ANO3: variants seen among roughly 807,000 people sequenced by gnomAD.
ANO3 encodes anoctamin-3.
ANO3 carries 99 observed loss-of-function variants against 144.8 expected under a neutral mutation model. The ratio of observed to expected loss-of-function variants is 0.68; its 90% CI spans 0.58 to 0.81. The LOEUF (loss-of-function observed/expected upper bound fraction) is 0.81. ANO3 is among the 30% of genes least tolerant of loss of function. ANO3 has a pLI of 0.00. For synonymous variants in ANO3, 414 were observed against 392.6 expected, an observed-to-expected ratio of 1.05 and a Z score of -0.64; for missense variants, 905 against 1,202.2, an observed-to-expected ratio of 0.75 and a Z score of 3.66.
intron 1 of ANO3, among the ~76,000 whole-genome samples, chr11:26,392,736 AAG>A (rs1044602835): frequency 1.3e-5 from 2 of 152,048 alleles, no homozygotes; most frequent in African/African-American, 2.4e-5. Context: ...GAGAGAATGA[AAG>A]AGAGAGAATA....
chr11:26,433,820 T>C (rs150414493), intron 1 of ANO3, among the ~76,000 whole-genome samples: 146 of 152,316 alleles, frequency 9.6e-4, no homozygotes, highest in African/African-American at 3.0e-3. Context: ...GTTGAGGATT[T>C]TTGCATCAAT....
At chr11:26,254,852 C>T (rs1335840779) in intron 1 of ANO3, among the ~76,000 whole-genome samples, 1 of 152,132 alleles carries the variant, frequency 6.6e-6, no homozygotes, top group Non-Finnish European at 1.5e-5. Context: ...CCCGGCATTA[C>T]AGTACAACAC....
At chr11:26,466,232 C>G (rs950612996) in intron 4 of ANO3, among the ~76,000 whole-genome samples, 3 of 151,894 alleles carry the variant, frequency 2.0e-5, no homozygotes, top group African/African-American at 7.2e-5. Flanking sequence ...CCATGAGATT[C>G]TAGAAATTAG....
chr11:26,643,099 G>C, intron 22 of ANO3, 83 bp from the exon 23 acceptor site: 1 of 1,244,624 alleles, frequency 8.0e-7, no homozygotes, highest in Admixed American at 1.9e-5. Context: ...GATGTTGAAA[G>C]CATTAAAAGC....
chr11:26,638,356 T>C (rs1009802531), intron 20 of ANO3, among the ~76,000 whole-genome samples: 4 of 152,224 alleles, frequency 2.6e-5, no homozygotes, highest in Non-Finnish European at 4.4e-5. Context: ...ACCTTTGTGA[T>C]TGGTCTCTCC....
chr11:26,658,783 T>G (rs1370728651), intron 26 of ANO3, among the ~76,000 whole-genome samples: 1 of 152,174 alleles, frequency 6.6e-6, no homozygotes, highest in Non-Finnish European at 1.5e-5. Context: ...TATTTGCTTT[T>G]ATATGGAAAA....
intron 1 of ANO3, among the ~76,000 whole-genome samples, chr11:26,255,875 T>G (rs11029433): frequency 0.018 from 2,795 of 152,212 alleles, 69 homozygotes; most frequent in East Asian, 0.12. Flanking sequence ...CTAGAGGGAA[T>G]CCTCATCAGG....
At chr11:26,439,202 C>G (rs1193109156) in intron 1 of ANO3, among the ~76,000 whole-genome samples, 1 of 152,088 alleles carries the variant, frequency 6.6e-6, no homozygotes, top group Non-Finnish European at 1.5e-5. Context: ...AACTTAAGAG[C>G]TAAAAGTATA....
At chr11:26,549,530 T>C (rs942238831) in intron 12 of ANO3, among the ~76,000 whole-genome samples, 13 of 151,974 alleles carry the variant, frequency 8.6e-5, no homozygotes, top group African/African-American at 2.9e-4. Flanking sequence ...GTTCCAAAGA[T>C]GCAGATGTGG....
chr11:26,443,997 G>A (rs1239600939), intron 3 of ANO3, among the ~76,000 whole-genome samples, 161 bp downstream of exon 3: 1 of 152,036 alleles, frequency 6.6e-6, no homozygotes, highest in Non-Finnish European at 1.5e-5. Flanking sequence ...ATTAAGAAAT[G>A]TATAGTTTGG....
At chr11:26,644,460 C>T (rs934159536) in intron 23 of ANO3, among the ~76,000 whole-genome samples, 1 of 152,252 alleles carries the variant, frequency 6.6e-6, no homozygotes, top group Non-Finnish European at 1.5e-5. Context: ...ATTATTTCCT[C>T]AGGATACATT....
chr11:26,232,398 G>T (rs543621426), intron 1 of ANO3, among the ~76,000 whole-genome samples: 21 of 151,298 alleles, frequency 1.4e-4, no homozygotes, highest in African/African-American at 5.1e-4. Flanking sequence ...AGAGTGTGCT[G>T]GTTACATCAT....
intron 1 of ANO3, 139 bp from the exon 2 acceptor site, chr11:26,441,779 C>T (rs1858530572): frequency 3.3e-6 from 2 of 608,816 alleles, no homozygotes; most frequent in African/African-American, 3.7e-5. Flanking sequence ...ATAAACAAGA[C>T]TAACTCAATT....
chr11:26,326,195 T>C (rs1854878780), intron 1 of ANO3, among the ~76,000 whole-genome samples: 1 of 152,164 alleles, frequency 6.6e-6, no homozygotes, highest in Non-Finnish European at 1.5e-5. Context: ...GCATATTTGA[T>C]GGTTAGAATG....
intron 17 of ANO3, among the ~76,000 whole-genome samples, chr11:26,617,013 C>T (rs141382090): frequency 0.015 from 2,250 of 152,264 alleles, 37 homozygotes; most frequent in South Asian, 0.028. Flanking sequence ...CCTCATGATC[C>T]ACCTGCCTCA....
intron 1 of ANO3, among the ~76,000 whole-genome samples, chr11:26,256,357 T>C (rs1246628785): frequency 6.6e-6 from 1 of 152,194 alleles, no homozygotes; most frequent in East Asian, 1.9e-4. Flanking sequence ...TTCATTCAAA[T>C]GCTTGCATAT....
rs1420053609 is a variant in ANO3, at chr11:26,662,957, T to G, written c.*2513T>G. 1 of 152,500 alleles carries G rather than the reference T, an allele frequency of 6.6e-6. No homozygotes were observed. Among genetic ancestry groups the G allele is most frequent in the East Asian group, 1.9e-4 (1 of 5,182 alleles). The allele number at this position is 152,500 out of a possible 1,614,324, so 9.4% of individuals were successfully genotyped here. On this transcript the variant is annotated 3_prime_UTR_variant, in exon 27 of 27. Coordinates refer to ENST00000256737, the MANE Select transcript of ANO3 (RefSeq NM_031418.4). ...CTATTCTCAGGAATTCTGTATTACATGAATGCTGCTTATATATTTTCATAT... is the reference window on the plus strand; with the variant it reads ...CTATTCTCAGGAATTCTGTATTACAGGAATGCTGCTTATATATTTTCATAT...
At chr11:26,473,593 T>C (rs939801594) in intron 4 of ANO3, among the ~76,000 whole-genome samples, 4 of 135,774 alleles carry the variant, frequency 2.9e-5, no homozygotes, top group African/African-American at 1.1e-4. Flanking sequence ...AAAAAAGTGT[T>C]ACCTAGTTCA....
At chr11:26,413,520 T>C (rs970240986) in intron 1 of ANO3, among the ~76,000 whole-genome samples, 1 of 152,062 alleles carries the variant, frequency 6.6e-6, no homozygotes, top group Non-Finnish European at 1.5e-5. Context: ...TCAACCCATA[T>C]GTAGAAATAA....
Sources: gnomAD v4.1 joint callset for allele counts (sites outside exome capture counted in the v4.1 genomes callset) on GRCh38, gnomAD v4.1.1 for gene constraint, MANE v1.5 for transcripts, NCBI Gene and HGNC (gene_info 2026-07-23, HGNC 2026-07-21) for gene names.